LYPD6: variants seen among roughly 807,000 people sequenced by gnomAD.
LYPD6 encodes the protein LY6/PLAUR domain containing 6.
LYPD6 carries 15 observed loss-of-function variants against 22.7 expected under a neutral mutation model. The observed-to-expected ratio is 0.66, with a 90% confidence interval of 0.44 to 1.02. The LOEUF is 1.02. LYPD6 is among the 50% of genes least tolerant of loss of function. LYPD6 has a pLI of 0.00. For synonymous variants in LYPD6, 72 were observed against 77.5 expected, an observed-to-expected ratio of 0.93 and a Z score of 0.37; for missense variants, 189 against 208.4, an observed-to-expected ratio of 0.91 and a Z score of 0.57.
chr2:149,398,167 C>T (rs1344002037), intron 1 of LYPD6, among the ~76,000 whole-genome samples: 1 of 152,156 alleles, frequency 6.6e-6, no homozygotes, highest in Admixed American at 6.5e-5. Context: ...TGGACGAGCT[C>T]TTTCAGTTCA....
At chr2:149,365,820 A>G (rs905991417) in intron 1 of LYPD6, among the ~76,000 whole-genome samples, 1 of 152,164 alleles carries the variant, frequency 6.6e-6, no homozygotes, top group African/African-American at 2.4e-5. Context: ...ACCACAAACT[A>G]TGATATCTGA....
At chr2:149,444,245 A>G (rs1349767993) in intron 2 of LYPD6, among the ~76,000 whole-genome samples, 36 of 152,174 alleles carry the variant, frequency 2.4e-4, no homozygotes, top group Admixed American at 2.4e-3. Context: ...CAATGTACGT[A>G]TCTTAATTTA....
chr2:149,429,923 T>TATTC (rs776863167), intron 1 of LYPD6, among the ~76,000 whole-genome samples: 6 of 152,122 alleles, frequency 3.9e-5, no homozygotes, highest in Non-Finnish European at 5.9e-5. Context: ...TCAGCACAAT[T>TATTC]ATTCCAGAGT....
rs1292843680 is a variant in LYPD6 at position 149,471,172 on chromosome 2, A to T, written c.*322A>T. On this transcript the variant is annotated 3_prime_UTR_variant, in exon 5 of 5. Transcript: ENST00000334166. ...TTGGAAGAATACATGCATGAGATGCAGTAGGTCCTGAGACTGTAAGATATT... is the reference window on the plus strand; with the variant it reads ...TTGGAAGAATACATGCATGAGATGCTGTAGGTCCTGAGACTGTAAGATATT... The T allele has an allele frequency of 4.7e-6, 1 of 214,936 alleles. No homozygotes were observed. The highest frequency in any genetic ancestry group is 9.4e-6 in the Non-Finnish European group (1 of 106,686). 13.3% of individuals were successfully genotyped at this position (214,936 alleles called of 1,614,324 possible).
chr2:149,360,974 A>G (rs1232305284), intron 1 of LYPD6, among the ~76,000 whole-genome samples: 1 of 152,186 alleles, frequency 6.6e-6, no homozygotes, highest in Non-Finnish European at 1.5e-5. Context: ...ATGCATGCGT[A>G]GGAAAAGAAA....
In LYPD6 at chr2:149,471,971, A is replaced by G. The variant is rs539596991; in HGVS notation, c.*1121A>G. ...CCAGTGAGGTGATTGCAAGACTAAC[A>G]AGGAGACTCAATGGGAAGTTTTTCT... On this transcript the variant is annotated 3_prime_UTR_variant, in exon 5 of 5. Transcript: ENST00000334166. The G allele has an allele frequency of 4.6e-5, 7 of 152,622 alleles. No individual in the cohort carries two copies. Among genetic ancestry groups the G allele is most frequent in the Non-Finnish European group, 1.0e-4 (7 of 68,036 alleles). 9.5% of individuals were successfully genotyped at this position (152,622 alleles called of 1,614,324 possible). A position where few individuals can be genotyped will look rare whatever the true frequency, so the allele number is the denominator to read the frequency against.
At chr2:149,453,963 A>G (rs1680895801) in intron 3 of LYPD6, among the ~76,000 whole-genome samples, 1 of 152,188 alleles carries the variant, frequency 6.6e-6, no homozygotes. Flanking sequence ...TCCCTAGGAT[A>G]GAGAAATCAA....
rs1040386566 is a variant in LYPD6, at chr2:149,437,660, C to T, written c.-49C>T. ...CAGGTGCAAGTTCTCTCCTGTTGCC[C>T]TGAGTGCCCACTCCCAGGCCCTCTG... On this transcript the variant is annotated 5_prime_UTR_variant, in exon 2 of 5. Coordinates refer to ENST00000334166, the MANE Select transcript of LYPD6 (RefSeq NM_194317.5). 1.2e-6 allele frequency: 2 copies of T among 1,606,654 alleles called. No individual in the cohort carries two copies. The highest frequency in any genetic ancestry group is 1.7e-6 in the Non-Finnish European group (2 of 1,175,374).
Position 149,449,055 on chromosome 2 carries a change from C to G in LYPD6, c.125C>G (p.Pro42Arg). The G allele has an allele frequency of 6.2e-7, 1 of 1,611,488 alleles. No individual in the cohort carries two copies. The highest frequency in any genetic ancestry group is 2.2e-5 in the East Asian group (1 of 44,798). The stretch of plus-strand genomic sequence containing the variant: ...TCTTAATCCTTTTTTTTAGCCACAC[C>G]ATATCCTGGTGGATTTAAATGTTTC... ...DIIYLHPSTT[P>R]YPGGFKCFTC... The change falls in exon 3 of 5, where the codon CCA becomes CGA. Residue 42 changes from proline (P) to arginine (R), a missense_variant. By Grantham distance (103) the Pro-to-Arg change is moderately radical. Transcript: ENST00000334166.
At chr2:149,429,334 A>C (rs528880864) in intron 1 of LYPD6, among the ~76,000 whole-genome samples, 1 of 152,338 alleles carries the variant, frequency 6.6e-6, no homozygotes, top group East Asian at 1.9e-4. Flanking sequence ...CCTGATGAGA[A>C]TAAAAGTAAA....
At chr2:149,349,040 T>C (rs550258000) in intron 1 of LYPD6, among the ~76,000 whole-genome samples, 1 of 152,110 alleles carries the variant, frequency 6.6e-6, no homozygotes, top group Non-Finnish European at 1.5e-5. Context: ...TTTACTGAGA[T>C]ACAAAGACTG....
chr2:149,471,010 T>G lies in LYPD6; in HGVS notation c.*160T>G, dbSNP rs1441026018. The G allele has an allele frequency of 1.6e-6, 1 of 617,334 alleles. No individual in the cohort carries two copies. The highest frequency in any genetic ancestry group is 2.7e-5 in the East Asian group (1 of 36,426). 38.2% of individuals were successfully genotyped at this position (617,334 alleles called of 1,614,324 possible). A position where few individuals can be genotyped will look rare whatever the true frequency, so the allele number is the denominator to read the frequency against. On this transcript the variant is annotated 3_prime_UTR_variant, in exon 5 of 5. Transcript: ENST00000334166. ...GCCACTTACCATGAGGAATAAATGT[T>G]GCTTCATTGTAGCCATTTTGAGTCT...
chr2:149,398,413 TTGTGTGTGTGTGTGTG>T lies in LYPD6; in HGVS notation c.-71-39205_-71-39190del, dbSNP rs10584410. On this transcript the variant is annotated intron_variant, in intron 1 of 4. Coordinates refer to ENST00000334166, the MANE Select transcript of LYPD6 (RefSeq NM_194317.5). ...TATGATGGGAATAGCAAAGATGGCT[TTGTGTGTGTGTGTGTG>T]TGTGTGTGTGTGTGTGTGTATGTGT... is the stretch of plus-strand genomic sequence containing the variant. Among the ~76,000 whole-genome samples, 5 of 147,762 alleles carry T rather than the reference TTGTGTGTGTGTGTGTG, an allele frequency of 3.4e-5. No homozygotes were observed. In the East Asian group the frequency reaches 8.0e-4, roughly 24 times the overall value.
At chr2:149,376,751 T>TATAAA (rs1681930997) in intron 1 of LYPD6, among the ~76,000 whole-genome samples, 2 of 152,224 alleles carry the variant, frequency 1.3e-5, no homozygotes, top group Non-Finnish European at 2.9e-5. Context: ...CAGGGACGCA[T>TATAAA]GTAAAGCTTA....
intron 1 of LYPD6, among the ~76,000 whole-genome samples, chr2:149,393,920 G>A (rs1682370598): frequency 6.6e-6 from 1 of 152,134 alleles, no homozygotes; most frequent in Non-Finnish European, 1.5e-5. Flanking sequence ...CTCCTTTCTG[G>A]TGAGGTTTGA....
chr2:149,483,669 A>G, the LYPD6 span, among the ~76,000 whole-genome samples: 1 of 152,240 alleles, frequency 6.6e-6, no homozygotes, highest in Non-Finnish European at 1.5e-5. Context: ...AAGTCTGTTA[A>G]GTGATGGATA....
At chr2:149,356,327 G>C (rs941168265) in intron 1 of LYPD6, among the ~76,000 whole-genome samples, 2 of 152,138 alleles carry the variant, frequency 1.3e-5, no homozygotes, top group African/African-American at 4.8e-5. Context: ...TTGGCAGGAG[G>C]TAGGACCACA....
intron 1 of LYPD6, among the ~76,000 whole-genome samples, chr2:149,424,431 G>A (rs971265435): frequency 3.9e-5 from 6 of 152,184 alleles, no homozygotes; most frequent in African/African-American, 1.2e-4. Flanking sequence ...TTTTAGAGAT[G>A]AGGAAAGAAA....
intron 1 of LYPD6, among the ~76,000 whole-genome samples, chr2:149,391,318 A>G (rs1171952066): frequency 1.3e-5 from 2 of 152,208 alleles, no homozygotes; most frequent in Non-Finnish European, 2.9e-5. Context: ...TGTTTTAGAA[A>G]GGTCATGAAA....
Sources: gnomAD v4.1 joint callset for allele counts (sites outside exome capture counted in the v4.1 genomes callset) on GRCh38, gnomAD v4.1.1 for gene constraint, MANE v1.5 for transcripts, NCBI Gene and HGNC (gene_info 2026-07-23, HGNC 2026-07-21) for gene names.